Variants in PRELID2 observed in about 807,000 individuals in gnomAD.
PRELID2 encodes PRELI domain-containing protein 2.
In PRELID2, 25 loss-of-function variants were observed where a neutral mutation model predicts 28.4. The observed-to-expected ratio is 0.88, with a 90% confidence interval of 0.64 to 1.23. The LOEUF (loss-of-function observed/expected upper bound fraction) is 1.23, where lower values mean the gene tolerates loss of function less well. Ranked by LOEUF, PRELID2 falls within the 50% of genes most tolerant of loss-of-function variation. The probability of loss-of-function intolerance (pLI) is 0.00; values close to 1 mark genes in which losing one functional copy is unlikely to be tolerated. For missense variants in PRELID2, 201 were observed against 214.4 expected, an observed-to-expected ratio of 0.94 and a Z score of 0.39; for synonymous variants, 76 against 71.6, an observed-to-expected ratio of 1.06 and a Z score of -0.31.
chr5:145,290,386 G>A, the PRELID2 span, among the ~76,000 whole-genome samples: 1 of 149,214 alleles, frequency 6.7e-6, no homozygotes, highest in Admixed American at 6.6e-5. Context: ...TTAAGAAAAT[G>A]TGGCACATAT....
At chr5:145,437,879 G>A in the PRELID2 span, among the ~76,000 whole-genome samples, 2 of 152,200 alleles carry the variant, frequency 1.3e-5, no homozygotes, top group South Asian at 4.1e-4. Flanking sequence ...AAAAAGGCAG[G>A]AGATGTATAT....
At chr5:145,229,029 A>G in the PRELID2 span, 3 of 1,602,400 alleles carry the variant, frequency 1.9e-6, no homozygotes, top group Middle Eastern at 4.5e-4. Flanking sequence ...GGAGGAGTTC[A>G]TCTGGGCGGC....
At chr5:145,303,861 C>A in the PRELID2 span, among the ~76,000 whole-genome samples, 1 of 152,132 alleles carries the variant, frequency 6.6e-6, no homozygotes, top group African/African-American at 2.4e-5. Flanking sequence ...TTGGAAATGA[C>A]CATCTTTGTT....
chr5:145,284,385 C>T, the PRELID2 span, among the ~76,000 whole-genome samples: 1 of 152,180 alleles, frequency 6.6e-6, no homozygotes, highest in South Asian at 2.1e-4. Flanking sequence ...TCAAAACAGA[C>T]TGGGAAAGAT....
chr5:145,395,901 A>C, the PRELID2 span, among the ~76,000 whole-genome samples: 1 of 152,126 alleles, frequency 6.6e-6, no homozygotes, highest in Non-Finnish European at 1.5e-5. Context: ...TCTGGTGCTG[A>C]CATTCAATGA....
At chr5:145,371,015 A>C in the PRELID2 span, among the ~76,000 whole-genome samples, 5 of 151,390 alleles carry the variant, frequency 3.3e-5, no homozygotes, top group Non-Finnish European at 7.4e-5. Context: ...GGAGTTTTGG[A>C]ACTGAGATGG....
intron 1 of PRELID2, among the ~76,000 whole-genome samples, chr5:145,498,350 A>G (rs1752325403): frequency 6.6e-6 from 1 of 152,186 alleles, no homozygotes; most frequent in Non-Finnish European, 1.5e-5. Flanking sequence ...CTGAATTATT[A>G]TATAGCCAAA....
chr5:145,266,075 G>A, the PRELID2 span, among the ~76,000 whole-genome samples: 6 of 152,086 alleles, frequency 3.9e-5, no homozygotes, highest in Admixed American at 1.3e-4. Context: ...GCCAACAAAG[G>A]ACTAACATCC....
intron 1 of PRELID2, among the ~76,000 whole-genome samples, chr5:145,658,477 A>G (rs1218006861): frequency 2.6e-5 from 4 of 152,360 alleles, no homozygotes; most frequent in South Asian, 2.1e-4. Context: ...GGAAAGTATT[A>G]GATGACTGGG....
chr5:145,631,203 C>T (rs1753927601), intron 1 of PRELID2, among the ~76,000 whole-genome samples: 1 of 152,160 alleles, frequency 6.6e-6, no homozygotes, highest in Non-Finnish European at 1.5e-5. Flanking sequence ...CCAACCACAC[C>T]AGCTTTCTGT....
chr5:145,429,532 A>G, the PRELID2 span, among the ~76,000 whole-genome samples: 1 of 152,186 alleles, frequency 6.6e-6, no homozygotes, highest in African/African-American at 2.4e-5. Context: ...AAAGAGATTG[A>G]TATTTCAGGG....
At chr5:145,622,564 C>T (rs558962484) in intron 1 of PRELID2, among the ~76,000 whole-genome samples, 5 of 151,986 alleles carry the variant, frequency 3.3e-5, no homozygotes, top group East Asian at 1.9e-4. Context: ...ATTGTGTATT[C>T]GTTAATAAAA....
chr5:145,237,721 G>C, the PRELID2 span, among the ~76,000 whole-genome samples: 1 of 152,070 alleles, frequency 6.6e-6, no homozygotes, highest in African/African-American at 2.4e-5. Flanking sequence ...TGCAGCAGCA[G>C]AGAGTGTGAT....
the PRELID2 span, among the ~76,000 whole-genome samples, chr5:145,254,515 G>A: frequency 3.3e-5 from 5 of 152,212 alleles, no homozygotes; most frequent in African/African-American, 1.2e-4. Context: ...TGAAGAGAAA[G>A]TGGTGACTCT....
At chr5:145,416,307 A>T in the PRELID2 span, among the ~76,000 whole-genome samples, 1 of 152,126 alleles carries the variant, frequency 6.6e-6, no homozygotes. Flanking sequence ...CTAAAACCAT[A>T]AAAACCCTAG....
the PRELID2 span, among the ~76,000 whole-genome samples, chr5:145,401,825 G>A: frequency 6.6e-6 from 1 of 152,174 alleles, no homozygotes; most frequent in South Asian, 2.1e-4. Flanking sequence ...ATTTAGTAAT[G>A]TGAGACAGTG....
intron 5 of PRELID2, among the ~76,000 whole-genome samples, chr5:145,783,215 A>C (rs1324203096): frequency 6.6e-6 from 1 of 152,254 alleles, no homozygotes; most frequent in African/African-American, 2.4e-5. Context: ...AAGAATTCCC[A>C]AAAGCTTTAC....
intron 1 of PRELID2, among the ~76,000 whole-genome samples, chr5:145,665,040 G>A (rs943048056): frequency 6.6e-6 from 1 of 152,044 alleles, no homozygotes. Flanking sequence ...TAGGGCTCTT[G>A]CTTGCATTGA....
the PRELID2 span, among the ~76,000 whole-genome samples, chr5:145,271,608 G>T: frequency 6.6e-6 from 1 of 152,134 alleles, no homozygotes; most frequent in African/African-American, 2.4e-5. Context: ...ATTCCTAAAT[G>T]AAGAGGTGTG....
Sources: allele counts gnomAD v4.1 joint callset (sites outside exome capture counted in the v4.1 genomes callset), GRCh38; gene constraint gnomAD v4.1.1; transcripts MANE v1.5; gene names NCBI Gene and HGNC (gene_info 2026-07-23, HGNC 2026-07-21).